The following GSTCD variants were observed in gnomAD, a reference collection of about 807,000 sequenced individuals.
GSTCD encodes the protein glutathione S-transferase C-terminal domain-containing protein.
In GSTCD, 44 loss-of-function variants were observed where a neutral mutation model predicts 68.3. The observed-to-expected ratio is 0.64, with a 90% CI of 0.51 to 0.83. The LOEUF (loss-of-function observed/expected upper bound fraction) is 0.83, where lower values mean the gene tolerates loss of function less well. Among genes scored for constraint, GSTCD ranks in the 40% least tolerant of loss-of-function variants. The pLI is 0.00. For missense variants in GSTCD, 739 were observed against 735.9 expected, an observed-to-expected ratio of 1.00 and a Z score of -0.05; for synonymous variants, 273 against 255.2, an observed-to-expected ratio of 1.07 and a Z score of -0.67.
chr4:105,781,374 A>G lies in GSTCD; in HGVS notation c.1241-41580A>G, dbSNP rs564312666. 1.2e-4 allele frequency among the ~76,000 whole-genome samples: 18 copies of G among 150,806 alleles called. No individual in the cohort carries two copies. The South Asian group carries it at 2.7e-3, about 23-fold the overall frequency. ...AGGGATCCTCCCCCTCAGCCCCCCA[A>G]GTACTTAGGAATACAGGCGTGTGCC... is the stretch of plus-strand genomic sequence containing the variant. On this transcript the variant is annotated intron_variant, in intron 5 of 11. Transcript: ENST00000515279.
chr4:105,744,719 C>T (rs1733744711), intron 5 of GSTCD, among the ~76,000 whole-genome samples: 1 of 152,174 alleles, frequency 6.6e-6, no homozygotes, highest in Non-Finnish European at 1.5e-5. Context: ...CTTATCTTAT[C>T]ATTTACCTGC....
At position 105,726,679 on chromosome 4, in the gene GSTCD, C is replaced by T. The variant is rs1168420003; in HGVS notation, c.995C>T (p.Ala332Val). The part of the protein sequence containing the change: ...IQEVPGVKTA[A>V]SKCGIQFLHL... ...GAAGTGCCAGGAGTAAAAACAGCAGCTTCTAAGTGTGGGATCCAATTTCTC... is the reference window on the plus strand; with the variant it reads ...GAAGTGCCAGGAGTAAAAACAGCAGTTTCTAAGTGTGGGATCCAATTTCTC... The change falls in exon 4 of 12, where the codon GCT becomes GTT. Residue 332 changes from alanine to valine, a missense_variant. Ala to Val is a moderately conservative substitution (Grantham distance 64, BLOSUM62 0). Transcript: ENST00000515279. The T allele has an allele frequency of 3.1e-6, 5 of 1,613,850 alleles. No individual in the cohort carries two copies. Among genetic ancestry groups the T allele is most frequent in the African/African-American group, 1.3e-5 (1 of 74,940 alleles).
At chr4:105,763,297 T>G (rs1734484058) in intron 5 of GSTCD, among the ~76,000 whole-genome samples, 1 of 152,174 alleles carries the variant, frequency 6.6e-6, no homozygotes. Context: ...CTTAAGGATA[T>G]GAGTTAAGCA....
chr4:105,773,991 A>C (rs1734955835), intron 5 of GSTCD, among the ~76,000 whole-genome samples: 1 of 152,166 alleles, frequency 6.6e-6, no homozygotes, highest in Non-Finnish European at 1.5e-5. Context: ...TGGGAGTCTC[A>C]GTCTCTTTGT....
At chr4:105,785,490 G>A (rs925538501) in intron 5 of GSTCD, among the ~76,000 whole-genome samples, 4 of 151,932 alleles carry the variant, frequency 2.6e-5, no homozygotes, top group Non-Finnish European at 4.4e-5. Context: ...TATCAATATC[G>A]ATTCATGGAT....
chr4:105,786,573 C>T (rs1560828375), intron 5 of GSTCD, among the ~76,000 whole-genome samples: 1 of 148,346 alleles, frequency 6.7e-6, no homozygotes, highest in South Asian at 2.1e-4. Context: ...TAATGTGAGA[C>T]TATTATGGCA....
At position 105,813,632 on chromosome 4, in the gene GSTCD, T is replaced by C. The variant is rs921740062; in HGVS notation, c.1241-9322T>C. On this transcript the variant is annotated intron_variant, in intron 5 of 11. Coordinates refer to ENST00000515279, the MANE Select transcript of GSTCD (RefSeq NM_001370181.1). Reference sequence around the variant, plus strand: ...AAGCATTTCAGACACTCAACCAACATTCATGATGAGTCTAAGTATGCACAA... The same window carrying C: ...AAGCATTTCAGACACTCAACCAACACTCATGATGAGTCTAAGTATGCACAA... 2.6e-5 allele frequency among the ~76,000 whole-genome samples: 4 copies of C among 152,146 alleles called. No individual in the cohort carries two copies. In the East Asian group the frequency reaches 7.7e-4, roughly 29 times the overall value.
At chr4:105,842,165 G>A (rs779012970) in intron 11 of GSTCD, 31 bp downstream of exon 11, 19 of 1,560,784 alleles carry the variant, frequency 1.2e-5, no homozygotes, top group Non-Finnish European at 1.7e-5. Context: ...GCTGTTGAGT[G>A]TATTATGCAC....
intron 3 of GSTCD, among the ~76,000 whole-genome samples, chr4:105,724,979 A>T (rs1389649682): frequency 6.6e-6 from 1 of 152,010 alleles, no homozygotes; most frequent in East Asian, 1.9e-4. Context: ...GCCATGAATT[A>T]TAGATGAAAG....
chr4:105,729,372 C>A (rs777809488), intron 4 of GSTCD, 34 bp from the exon 5 acceptor site: 6 of 1,336,814 alleles, frequency 4.5e-6, no homozygotes, highest in Non-Finnish European at 6.4e-6. Context: ...TATATTAATT[C>A]CTTAATTTAG....
chr4:105,752,099 A>G (rs1481632808), intron 5 of GSTCD, among the ~76,000 whole-genome samples: 1 of 152,138 alleles, frequency 6.6e-6, no homozygotes, highest in Non-Finnish European at 1.5e-5. Flanking sequence ...ATGGGCTCAC[A>G]GCTTTAGTGC....
At chr4:105,764,446 C>A (rs539478942) in intron 5 of GSTCD, among the ~76,000 whole-genome samples, 1 of 152,274 alleles carries the variant, frequency 6.6e-6, no homozygotes, top group Admixed American at 6.5e-5. Flanking sequence ...AACAAAAGAC[C>A]ACAGACTGGG....
Position 105,717,937 on chromosome 4 carries a change from A to G in GSTCD, c.324A>G (p.Val108=). Residue 108 remains valine (V), a synonymous_variant, in exon 2 of 12, where the codon GTA becomes GTG. Transcript: ENST00000515279. ...TTTGTAGAGCAGGACTTGCTGTTGT[A>G]TTGAGACACATAATCCAGAAATCCT... ...DNFCRAGLAV[V]LRHIIQKSYE... 1.2e-6 allele frequency: 2 copies of G among 1,614,092 alleles called. No individual in the cohort carries two copies. Among genetic ancestry groups the G allele is most frequent in the South Asian group, 2.2e-5 (2 of 91,080 alleles).
chr4:105,751,926 A>T (rs1734022708), intron 5 of GSTCD, among the ~76,000 whole-genome samples: 1 of 152,194 alleles, frequency 6.6e-6, no homozygotes, highest in Non-Finnish European at 1.5e-5. Context: ...TGTATAACAT[A>T]CTATTACCTA....
At chr4:105,779,828 A>C (rs1735210049) in intron 5 of GSTCD, among the ~76,000 whole-genome samples, 1 of 152,358 alleles carries the variant, frequency 6.6e-6, no homozygotes, top group African/African-American at 2.4e-5. Flanking sequence ...ATTGCCTATT[A>C]ATGCTCACTT....
At chr4:105,842,167 A>T in intron 11 of GSTCD, 33 bp downstream of exon 11, 5 of 1,531,576 alleles carry the variant, frequency 3.3e-6, no homozygotes, top group Non-Finnish European at 4.5e-6. Context: ...TGTTGAGTGT[A>T]TTATGCACAA....
rs544679080 is a variant in GSTCD at position 105,776,782 on chromosome 4, G to A, written c.1241-46172G>A. On this transcript the variant is annotated intron_variant, in intron 5 of 11. Coordinates refer to ENST00000515279, the MANE Select transcript of GSTCD (RefSeq NM_001370181.1). ...CTGCAGACTGGAGCTGTTCCTATTCGGCCAGCTTGCCAGCCTGATACTCCG... is the reference window on the plus strand; with the variant it reads ...CTGCAGACTGGAGCTGTTCCTATTCAGCCAGCTTGCCAGCCTGATACTCCG... Among the ~76,000 whole-genome samples the A allele has an allele frequency of 2.6e-4, 40 of 152,202 alleles. No individual in the cohort carries two copies. The South Asian group carries it at 2.9e-3, about 11-fold the overall frequency.
At chr4:105,820,742 A>T (rs1389841909) in intron 5 of GSTCD, 3 of 151,854 alleles carry the variant, frequency 2.0e-5, no homozygotes, top group African/African-American at 7.2e-5. Context: ...AACCCTGAAA[A>T]GTACCTCTTT....
At position 105,729,478 on chromosome 4, in the gene GSTCD, G is replaced by A; in HGVS notation, c.1219G>A (p.Ala407Thr). The part of the protein sequence containing the change: ...TWTLDWNVLP[A>T]AVSPKEGKMS... ...GACTCTTGATTGGAATGTTCTCCCT[G>A]CAGCAGTCAGCCCAAAGGAAGGTGA... The change falls in exon 5 of 12, where the codon GCA becomes ACA. Residue 407 changes from alanine (A) to threonine (T), a missense_variant. Transcript: ENST00000515279. 1 of 1,610,994 alleles carries A rather than the reference G, an allele frequency of 6.2e-7. No homozygotes were observed. The highest frequency in any genetic ancestry group is 8.5e-7 in the Non-Finnish European group (1 of 1,178,096).
Sources: allele counts gnomAD v4.1 joint callset (sites outside exome capture counted in the v4.1 genomes callset), GRCh38; gene constraint gnomAD v4.1.1; transcripts MANE v1.5; gene names NCBI Gene and HGNC (gene_info 2026-07-23, HGNC 2026-07-21).